The following HPSE2 variants were observed in gnomAD, a reference collection of about 807,000 sequenced individuals.
The protein encoded by HPSE2 is heparanase 2 (inactive), also known as inactive heparanase-2.
A neutral mutation model predicts 60.5 loss-of-function variants in HPSE2; 38 were observed. That is an observed-to-expected ratio of 0.63 (90% CI 0.48 to 0.82). HPSE2 has a LOEUF of 0.82. Ranked by LOEUF, HPSE2 falls within the 40% of genes least tolerant of loss-of-function variation. The pLI, the probability that HPSE2 is intolerant of heterozygous loss-of-function variation, is 0.00. For synonymous variants in HPSE2, 295 were observed against 293.2 expected, an observed-to-expected ratio of 1.01 and a Z score of -0.06; for missense variants, 713 against 740.4, an observed-to-expected ratio of 0.96 and a Z score of 0.43.
intron 2 of HPSE2, among the ~76,000 whole-genome samples, chr10:99,150,590 G>A (rs1229703190): frequency 6.6e-6 from 1 of 152,148 alleles, no homozygotes; most frequent in Non-Finnish European, 1.5e-5. Context: ...CAAAGAGCTG[G>A]GATTACAGGC....
At chr10:98,740,421 T>A (rs1949469720) in intron 4 of HPSE2, among the ~76,000 whole-genome samples, 1 of 152,074 alleles carries the variant, frequency 6.6e-6, no homozygotes, top group African/African-American at 2.4e-5. Flanking sequence ...AATCCTCCCA[T>A]CTTGGCCTCC....
At chr10:98,778,529 G>T (rs901718500) in intron 3 of HPSE2, among the ~76,000 whole-genome samples, 20 of 152,016 alleles carry the variant, frequency 1.3e-4, no homozygotes, top group African/African-American at 4.8e-4. Flanking sequence ...ACAGGGAAGT[G>T]GTCAGGAGGC....
At chr10:99,085,818 T>A (rs1429193784) in intron 3 of HPSE2, among the ~76,000 whole-genome samples, 1 of 152,168 alleles carries the variant, frequency 6.6e-6, no homozygotes, top group East Asian at 1.9e-4. Flanking sequence ...CTCAACTATT[T>A]TATCTCCACT....
chr10:99,313,581 G>A, the HPSE2 span, among the ~76,000 whole-genome samples: 2 of 144,130 alleles, frequency 1.4e-5, no homozygotes, highest in Non-Finnish European at 3.0e-5. Context: ...GGTTTGAGAT[G>A]ACTGACTCCA....
chr10:99,123,686 A>G (rs1393581638), intron 3 of HPSE2, among the ~76,000 whole-genome samples: 3 of 152,224 alleles, frequency 2.0e-5, no homozygotes, highest in Non-Finnish European at 4.4e-5. Context: ...TTGAGTGACT[A>G]TACAGCTCTC....
intron 7 of HPSE2, among the ~76,000 whole-genome samples, chr10:98,621,988 C>G (rs1441565607): frequency 6.6e-6 from 1 of 152,160 alleles, no homozygotes; most frequent in Admixed American, 6.5e-5. Context: ...GTCCTATGGC[C>G]CCCCAGCTAC....
At chr10:98,797,123 T>G (rs539694321) in intron 3 of HPSE2, among the ~76,000 whole-genome samples, 2 of 152,180 alleles carry the variant, frequency 1.3e-5, no homozygotes, top group Non-Finnish European at 2.9e-5. Flanking sequence ...AGGAAAATCT[T>G]ACTTCACCAA....
chr10:99,244,568 A>ATTTTTTTTTT, the HPSE2 span, among the ~76,000 whole-genome samples: 8 of 73,738 alleles, frequency 1.1e-4, 2 homozygotes, highest in African/African-American at 4.7e-4. Context: ...CTATGCCTGG[A>ATTTTTTTTTT]TTTTTTTTTT....
At chr10:98,835,372 C>T (rs1165724794) in intron 3 of HPSE2, among the ~76,000 whole-genome samples, 1 of 152,054 alleles carries the variant, frequency 6.6e-6, no homozygotes, top group African/African-American at 2.4e-5. Context: ...AATTTATACA[C>T]ACACAAAAAT....
intron 3 of HPSE2, among the ~76,000 whole-genome samples, chr10:99,128,177 T>C (rs1239349330): frequency 6.6e-6 from 1 of 152,140 alleles, no homozygotes; most frequent in African/African-American, 2.4e-5. Context: ...ATGGCCTAAA[T>C]GCTCCACTTA....
At chr10:98,702,008 C>A (rs181564049) in intron 5 of HPSE2, among the ~76,000 whole-genome samples, 2 of 152,196 alleles carry the variant, frequency 1.3e-5, no homozygotes, top group Non-Finnish European at 2.9e-5. Flanking sequence ...AAGACACAGG[C>A]TGTCAAATTG....
intron 3 of HPSE2, among the ~76,000 whole-genome samples, chr10:99,020,266 T>C (rs1160160223): frequency 2.0e-5 from 3 of 152,290 alleles, no homozygotes; most frequent in African/African-American, 7.2e-5. Context: ...AGGTAATTAT[T>C]GAAATAAATA....
At chr10:98,768,840 C>T (rs1436686133) in intron 3 of HPSE2, among the ~76,000 whole-genome samples, 2 of 152,106 alleles carry the variant, frequency 1.3e-5, no homozygotes, top group African/African-American at 2.4e-5. Context: ...TACTTGAGGT[C>T]AGGAGTTCAA....
chr10:98,900,480 C>G (rs1814135), intron 3 of HPSE2, among the ~76,000 whole-genome samples: 132,203 of 152,152 alleles, frequency 0.87, 57,506 homozygotes, highest in Admixed American at 0.89. Context: ...ATATACAGTA[C>G]ATGTTCATAC....
At chr10:99,247,815 G>T in the HPSE2 span, among the ~76,000 whole-genome samples, 2 of 152,160 alleles carry the variant, frequency 1.3e-5, no homozygotes, top group African/African-American at 4.8e-5. Context: ...CCCCTTTTCT[G>T]TTCTCATGAC....
intron 7 of HPSE2, among the ~76,000 whole-genome samples, chr10:98,633,481 G>T (rs992644687): frequency 6.6e-6 from 1 of 152,132 alleles, no homozygotes; most frequent in Admixed American, 6.5e-5. Flanking sequence ...CCAAAGTGCT[G>T]AGATTACAGG....
intron 6 of HPSE2, among the ~76,000 whole-genome samples, chr10:98,671,821 G>A (rs1273718660): frequency 6.6e-6 from 1 of 152,144 alleles, no homozygotes; most frequent in African/African-American, 2.4e-5. Context: ...AGATGACAAA[G>A]GGAATGAAAG....
chr10:99,181,397 C>CAAAAAAAAAAAAAAA (rs58049545), intron 2 of HPSE2, among the ~76,000 whole-genome samples: 22 of 104,746 alleles, frequency 2.1e-4, no homozygotes, highest in African/African-American at 1.1e-3. Flanking sequence ...GACTCCGTCT[C>CAAAAAAAAAAAAAAA]AAAAAAAAAA....
At chr10:98,890,209 T>C (rs953481185) in intron 3 of HPSE2, among the ~76,000 whole-genome samples, 1 of 152,146 alleles carries the variant, frequency 6.6e-6, no homozygotes, top group Non-Finnish European at 1.5e-5. Context: ...TTTTACCCAA[T>C]AACCCCACTC....
Sources: gnomAD v4.1 joint callset for allele counts (sites outside exome capture counted in the v4.1 genomes callset) on GRCh38, gnomAD v4.1.1 for gene constraint, MANE v1.5 for transcripts, NCBI Gene and HGNC (gene_info 2026-07-23, HGNC 2026-07-21) for gene names.